PIK3C2G: variants seen among roughly 807,000 people sequenced by gnomAD.
The protein encoded by PIK3C2G is phosphatidylinositol 3-kinase C2 domain-containing subunit gamma.
Under a neutral mutation model 181.1 loss-of-function variants are expected in PIK3C2G, and 168 were observed. The observed-to-expected ratio is 0.93, with a 90% CI of 0.82 to 1.05. The LOEUF (loss-of-function observed/expected upper bound fraction) is 1.05, where lower values mean the gene tolerates loss of function less well. Among genes scored for constraint, PIK3C2G ranks in the 50% least tolerant of loss-of-function variants. PIK3C2G has a pLI of 0.00. For missense variants in PIK3C2G, 1,869 were observed against 1,732.8 expected (o/e 1.08, Z -1.40); for synonymous variants, 573 against 592.2 (o/e 0.97, Z 0.47).
intron 18 of PIK3C2G, among the ~76,000 whole-genome samples, chr12:18,441,545 A>G (rs544463871): frequency 6.6e-6 from 1 of 152,250 alleles, no homozygotes; most frequent in South Asian, 2.1e-4. Context: ...TAGCACAGGA[A>G]GATTGGTACA....
At chr12:18,499,901 AT>A (rs1326807441) in intron 22 of PIK3C2G, among the ~76,000 whole-genome samples, 2 of 152,270 alleles carry the variant, frequency 1.3e-5, no homozygotes, top group East Asian at 3.9e-4. Flanking sequence ...GCCATACTCA[AT>A]TAGAACATTT....
chr12:18,703,942 G>A, the PIK3C2G span, among the ~76,000 whole-genome samples: 5,431 of 152,250 alleles, frequency 0.036, 134 homozygotes, highest in East Asian at 0.08. Flanking sequence ...ATGAAGACAT[G>A]TCAAAACCAA....
the PIK3C2G span, among the ~76,000 whole-genome samples, chr12:18,703,354 A>C: frequency 6.6e-6 from 1 of 152,128 alleles, no homozygotes; most frequent in Non-Finnish European, 1.5e-5. Context: ...TTTTTCACTG[A>C]TTTAAATAAA....
the PIK3C2G span, chr12:18,701,712 C>T: frequency 1.9e-6 from 3 of 1,611,448 alleles, no homozygotes; most frequent in Non-Finnish European, 2.5e-6. Flanking sequence ...AGAACCTTTT[C>T]TTTCATGGGT....
At chr12:18,243,258 C>A (rs1948004334), upstream of PIK3C2G, among the ~76,000 whole-genome samples, 1 of 150,168 alleles carries the variant, frequency 6.7e-6, no homozygotes, top group Non-Finnish European at 1.5e-5. Flanking sequence ...TCCTAGATAA[C>A]AAATTGTTGA....
At chr12:18,627,085 C>A (rs1949135179) in intron 31 of PIK3C2G, among the ~76,000 whole-genome samples, 1 of 151,072 alleles carries the variant, frequency 6.6e-6, no homozygotes, top group Non-Finnish European at 1.5e-5. Flanking sequence ...TCTTTTTGCT[C>A]CTCTGCTTGG....
intron 25 of PIK3C2G, among the ~76,000 whole-genome samples, chr12:18,544,210 G>A (rs1161424160): frequency 6.6e-6 from 1 of 151,814 alleles, no homozygotes; most frequent in Non-Finnish European, 1.5e-5. Context: ...AGGTAACCAA[G>A]TGTGCCCAGT....
chr12:18,482,413 TG>T (rs1796823462), intron 18 of PIK3C2G, among the ~76,000 whole-genome samples: 1 of 152,052 alleles, frequency 6.6e-6, no homozygotes, highest in South Asian at 2.1e-4. Context: ...CTGGCTACCT[TG>T]GGGTTACCAT....
chr12:18,708,064 A>G, the PIK3C2G span, among the ~76,000 whole-genome samples: 1 of 152,222 alleles, frequency 6.6e-6, no homozygotes, highest in Admixed American at 6.5e-5. Context: ...CATATACAGT[A>G]TAACTTTATT....
At chr12:18,583,604 C>T (rs1483630245) in intron 29 of PIK3C2G, among the ~76,000 whole-genome samples, 1 of 152,098 alleles carries the variant, frequency 6.6e-6, no homozygotes, top group Non-Finnish European at 1.5e-5. Context: ...ACAGAGCACC[C>T]ACCACACAGA....
chr12:18,440,653 G>T (rs1002586687), intron 18 of PIK3C2G, among the ~76,000 whole-genome samples: 17 of 152,050 alleles, frequency 1.1e-4, no homozygotes, highest in African/African-American at 3.9e-4. Flanking sequence ...GACAACAATG[G>T]GGCTAAGGTG....
intron 18 of PIK3C2G, among the ~76,000 whole-genome samples, chr12:18,448,481 C>T (rs1487235310): frequency 1.3e-5 from 2 of 152,028 alleles, no homozygotes; most frequent in Non-Finnish European, 2.9e-5. Flanking sequence ...TCATGTTGTA[C>T]GTTAGATCTC....
In PIK3C2G at chr12:18,488,891, T is replaced by TTGGACTAAACAAGCCTGA. The variant is rs1263251861; in HGVS notation, c.2685+264_2685+281dup. 2.0e-5 allele frequency among the ~76,000 whole-genome samples: 3 copies of TTGGACTAAACAAGCCTGA among 152,112 alleles called. No individual in the cohort carries two copies. The East Asian group carries it at 5.8e-4, about 29-fold the overall frequency. On this transcript the variant is annotated intron_variant, in intron 19 of 32. Transcript: ENST00000538779. ...AAAGAAAAGACCAACGTATAGGCAG[T>TTGGACTAAACAAGCCTGA]TGGACTAAACAAGCCTGATAAACTA...
intron 5 of PIK3C2G, among the ~76,000 whole-genome samples, chr12:18,308,737 T>C (rs1354009855): frequency 6.6e-6 from 1 of 151,688 alleles, no homozygotes; most frequent in Non-Finnish European, 1.5e-5. Context: ...ATTTACCATG[T>C]TGGAAATTAT....
At chr12:18,460,301 C>T (rs1315007494) in intron 18 of PIK3C2G, among the ~76,000 whole-genome samples, 4 of 152,030 alleles carry the variant, frequency 2.6e-5, no homozygotes, top group East Asian at 1.9e-4. Flanking sequence ...TGTCCAGGTG[C>T]GGTGGCTCAC....
rs1217002186 is a variant in PIK3C2G at position 18,559,809 on chromosome 12, TATATATATATATAG to T, written c.3591-2892_3591-2879del. On this transcript the variant is annotated intron_variant, in intron 26 of 32. Coordinates refer to ENST00000538779, the MANE Select transcript of PIK3C2G (RefSeq NM_001288772.2). ...ATATATATATATATATATATATATATATATATATATATAGAGAGAGAGAGAGAGAGAGAGAGAGA... is the reference window on the plus strand; with the variant it reads ...ATATATATATATATATATATATATATAGAGAGAGAGAGAGAGAGAGAGAGA... Among the ~76,000 whole-genome samples the T allele has an allele frequency of 1.4e-3, 53 of 37,408 alleles. 1 individual carries two copies. The highest frequency in any genetic ancestry group is 0.015 in the Middle Eastern group (1 of 68). The allele number at this position is 37,408 out of a possible 152,430, so 24.5% of individuals were successfully genotyped here. A position where few individuals can be genotyped will look rare whatever the true frequency, so the allele number is the denominator to read the frequency against.
In PIK3C2G at chr12:18,389,288, G is replaced by A. The variant is rs145534398; in HGVS notation, c.1996-1834G>A. Among the ~76,000 whole-genome samples, 1,263 of 151,904 alleles carry A rather than the reference G, an allele frequency of 8.3e-3. 13 individuals carry two copies. The highest frequency in any genetic ancestry group is 0.029 in the African/African-American group (1,191 of 41,376). ...GAATGGCGTGAACCCGGCAGGTGGAGCTTGCAGTGAGCCGAAATGGTGCCA... is the reference window on the plus strand; with the variant it reads ...GAATGGCGTGAACCCGGCAGGTGGAACTTGCAGTGAGCCGAAATGGTGCCA... On this transcript the variant is annotated intron_variant, in intron 14 of 32. Coordinates refer to ENST00000538779, the MANE Select transcript of PIK3C2G (RefSeq NM_001288772.2).
chr12:18,248,793 T>G (rs979932653), intron 1 of PIK3C2G, among the ~76,000 whole-genome samples: 2 of 152,088 alleles, frequency 1.3e-5, no homozygotes, highest in African/African-American at 4.8e-5. Context: ...AATGTATTAC[T>G]CAACATAAAT....
intron 1 of PIK3C2G, among the ~76,000 whole-genome samples, chr12:18,252,277 AG>A (rs1410627299): frequency 4.6e-5 from 7 of 152,182 alleles, no homozygotes; most frequent in African/African-American, 1.2e-4. Context: ...GCTGTAATCA[AG>A]CCCAATATTA....
Sources: allele counts gnomAD v4.1 joint callset (sites outside exome capture counted in the v4.1 genomes callset), GRCh38; gene constraint gnomAD v4.1.1; transcripts MANE v1.5; gene names NCBI Gene and HGNC (gene_info 2026-07-23, HGNC 2026-07-21).